The following COL6A6 variants were observed in gnomAD, a reference collection of about 807,000 sequenced individuals.
The protein encoded by COL6A6 is collagen alpha-6(VI) chain.
A neutral mutation model predicts 208.6 loss-of-function variants in COL6A6; 183 were observed. That is an observed-to-expected ratio of 0.88 (90% CI 0.78 to 0.99). The LOEUF (loss-of-function observed/expected upper bound fraction) is 0.99. Ranked by LOEUF, COL6A6 falls within the 50% of genes least tolerant of loss-of-function variation. COL6A6 has a pLI of 0.00. For synonymous variants in COL6A6, 973 were observed against 1,011.8 expected (o/e 0.96, Z 0.73); for missense variants, 2,816 against 2,815.2 (o/e 1.00, Z -0.01).
At position 130,566,937 on chromosome 3, in the gene COL6A6, C is replaced by G. The variant is rs2063039447; in HGVS notation, c.1518C>G (p.Ile506Met). 6.2e-7 allele frequency: 1 copy of G among 1,613,802 alleles called. No homozygotes were observed. The highest frequency in any genetic ancestry group is 8.5e-7 in the Non-Finnish European group (1 of 1,179,828). Residue 506 changes from isoleucine to methionine, a missense_variant, in exon 5 of 37, where the codon ATC becomes ATG. By Grantham distance (10) the Ile-to-Met change is conservative (BLOSUM62 1). Coordinates refer to ENST00000358511, the MANE Select transcript of COL6A6 (RefSeq NM_001102608.3). Reference protein sequence around the residue: ...KQDLGKAIENIRQMGGNTNTG... With the variant: ...KQDLGKAIENMRQMGGNTNTG... ...ATTTGGGAAAGGCCATTGAGAATAT[C>G]AGGCAGATGGGTGGGAATACAAACA...
intron 23 of COL6A6, among the ~76,000 whole-genome samples, chr3:130,620,644 T>A (rs945647486): frequency 2.6e-5 from 4 of 152,228 alleles, no homozygotes; most frequent in Admixed American, 6.5e-5. Context: ...GGAAAGATTC[T>A]TATCTTTGTT....
chr3:130,620,002 A>G (rs1184776310), intron 23 of COL6A6, among the ~76,000 whole-genome samples: 2 of 152,118 alleles, frequency 1.3e-5, no homozygotes, highest in Non-Finnish European at 2.9e-5. Context: ...TGACACAATT[A>G]TAGCTAATTG....
In COL6A6 at chr3:130,573,955, G is replaced by A; in HGVS notation, c.2978-1G>A. On this transcript the variant is annotated splice_acceptor_variant, in intron 7 of 36. Transcript: ENST00000358511. LOFTEE classifies it high-confidence loss of function. ...TCTGTTGTTCCTTCTCTTCTTTGTA[G>A]ATTGTGAAATTGACAAAGTAGATCT... 6.3e-7 allele frequency: 1 copy of A among 1,586,778 alleles called. No individual in the cohort carries two copies. Among genetic ancestry groups the A allele is most frequent in the Non-Finnish European group, 8.6e-7 (1 of 1,156,122 alleles).
intron 10 of COL6A6, 113 bp downstream of exon 10, chr3:130,582,181 C>T (rs142648514): frequency 3.0e-6 from 2 of 668,562 alleles, no homozygotes; most frequent in Non-Finnish European, 2.5e-6. Context: ...CTGATTTTGA[C>T]AATCTCCGTA....
chr3:130,575,557 C>T (rs2063275353), intron 8 of COL6A6, among the ~76,000 whole-genome samples: 1 of 152,134 alleles, frequency 6.6e-6, no homozygotes, highest in Admixed American at 6.5e-5. Context: ...CCCCACATTT[C>T]CAGCTTGCTA....
intron 28 of COL6A6, among the ~76,000 whole-genome samples, chr3:130,635,974 C>T (rs1056722414): frequency 3.3e-5 from 5 of 152,186 alleles, no homozygotes; most frequent in Non-Finnish European, 7.3e-5. Context: ...AGCAAGTTCA[C>T]CTGTTTTAGC....
intron 11 of COL6A6, 114 bp downstream of exon 11, chr3:130,586,774 G>T: frequency 9.7e-7 from 1 of 1,032,474 alleles, no homozygotes; most frequent in South Asian, 2.0e-5. Context: ...GTGAAGAAAG[G>T]TTTTTATGAA....
At chr3:130,537,946 T>G (rs2062262345) in intron 1 of COL6A6, among the ~76,000 whole-genome samples, 1 of 152,210 alleles carries the variant, frequency 6.6e-6, no homozygotes, top group African/African-American at 2.4e-5. Flanking sequence ...TTCACAGCAG[T>G]TGGTATCCAT....
At chr3:130,620,741 A>G (rs1427047111) in intron 23 of COL6A6, among the ~76,000 whole-genome samples, 1 of 152,222 alleles carries the variant, frequency 6.6e-6, no homozygotes, top group African/African-American at 2.4e-5. Flanking sequence ...TAAAAGATGA[A>G]AATGTTAATG....
At chr3:130,607,136 G>T (rs1419974138) in intron 21 of COL6A6, among the ~76,000 whole-genome samples, 170 bp downstream of exon 21, 1 of 152,198 alleles carries the variant, frequency 6.6e-6, no homozygotes, top group African/African-American at 2.4e-5. Context: ...ATTTTAAAAT[G>T]ATGTGGGAAC....
chr3:130,608,485 T>A (rs2064251231), intron 21 of COL6A6, among the ~76,000 whole-genome samples: 1 of 152,164 alleles, frequency 6.6e-6, no homozygotes, highest in Non-Finnish European at 1.5e-5. Flanking sequence ...CAACTTTTGT[T>A]CCCTAGATAT....
intron 36 of COL6A6, among the ~76,000 whole-genome samples, chr3:130,666,700 T>G (rs1227224967): frequency 6.6e-6 from 1 of 152,090 alleles, no homozygotes; most frequent in African/African-American, 2.4e-5. Flanking sequence ...ATCAAGAATT[T>G]TAGAGACAAA....
At chr3:130,606,323 G>A (rs555386107) in intron 20 of COL6A6, among the ~76,000 whole-genome samples, 3 of 152,252 alleles carry the variant, frequency 2.0e-5, no homozygotes, top group South Asian at 4.2e-4. Flanking sequence ...ACTCGATTAT[G>A]TAGTATCATT....
At chr3:130,595,402 G>T (rs1488240139) in intron 18 of COL6A6, among the ~76,000 whole-genome samples, 1 of 152,158 alleles carries the variant, frequency 6.6e-6, no homozygotes, top group Non-Finnish European at 1.5e-5. Flanking sequence ...GAATACACCT[G>T]TGTAGTCACC....
At chr3:130,639,701 A>G (rs2065257477) in intron 28 of COL6A6, among the ~76,000 whole-genome samples, 1 of 152,008 alleles carries the variant, frequency 6.6e-6, no homozygotes, top group Non-Finnish European at 1.5e-5. Context: ...AAAAAAAAAA[A>G]AAAAAAAAAT....
intron 1 of COL6A6, 46 bp from the exon 2 acceptor site, chr3:130,560,288 C>A: frequency 8.0e-7 from 1 of 1,257,112 alleles, no homozygotes; most frequent in Non-Finnish European, 1.1e-6. Context: ...AGTCTTAATT[C>A]CCAAATAATA....
chr3:130,625,750 G>C (rs1310534013), intron 24 of COL6A6, among the ~76,000 whole-genome samples: 1 of 152,146 alleles, frequency 6.6e-6, no homozygotes, highest in Non-Finnish European at 1.5e-5. Flanking sequence ...GAAAAAATCT[G>C]AATAAAGTAT....
At chr3:130,598,088 A>G (rs766265950) in intron 18 of COL6A6, among the ~76,000 whole-genome samples, 18 of 152,206 alleles carry the variant, frequency 1.2e-4, no homozygotes, top group Non-Finnish European at 2.1e-4. Context: ...TGCCATGCAC[A>G]TAATTCACAT....
At position 130,662,155 on chromosome 3, in the gene COL6A6, G is replaced by T. The variant is rs986300439; in HGVS notation, c.6349G>T (p.Val2117Leu). Residue 2117 changes from valine to leucine, a missense_variant, in exon 35 of 37, where the codon GTG becomes TTG. By Grantham distance (32) the Val-to-Leu change is conservative. Coordinates refer to ENST00000358511, the MANE Select transcript of COL6A6 (RefSeq NM_001102608.3). ...RAKCQGYALF[V>L]FSLGPIWDDK... ...CAAATGTCAGGGATATGCCTTATTT[G>T]TGTTTTCCCTTGGCCCTATTTGGGA... 3 of 1,613,870 alleles carry T rather than the reference G, an allele frequency of 1.9e-6. No homozygotes were observed. The highest frequency in any genetic ancestry group is 1.7e-5 in the Admixed American group (1 of 60,004).
Sources: allele counts gnomAD v4.1 joint callset (sites outside exome capture counted in the v4.1 genomes callset), GRCh38; gene constraint gnomAD v4.1.1; transcripts MANE v1.5; gene names NCBI Gene and HGNC (gene_info 2026-07-23, HGNC 2026-07-21).